Variants in CHODL observed in about 807,000 individuals in gnomAD.
The protein encoded by CHODL is chondrolectin.
A neutral mutation model predicts 34.5 loss-of-function variants in CHODL; 29 were observed. The ratio of observed to expected loss-of-function variants is 0.84; its 90% CI spans 0.63 to 1.15. The LOEUF (loss-of-function observed/expected upper bound fraction) is 1.15. Among genes scored for constraint, CHODL ranks in the 50% most tolerant of loss-of-function variants. The probability of loss-of-function intolerance (pLI) is 0.00; values close to 1 mark genes in which losing one functional copy is unlikely to be tolerated. For synonymous variants in CHODL, 125 were observed against 116.1 expected (o/e 1.08, Z -0.49); for missense variants, 332 against 332.5 (o/e 1.00, Z 0.01).
intron 2 of CHODL, among the ~76,000 whole-genome samples, chr21:18,079,903 A>G (rs2064920478): frequency 6.9e-6 from 1 of 145,658 alleles, no homozygotes; most frequent in African/African-American, 2.5e-5. Context: ...TCTTTAAGAC[A>G]TAGTCATACT....
At chr21:18,010,784 A>G (rs77131605) in intron 1 of CHODL, among the ~76,000 whole-genome samples, 10 of 152,370 alleles carry the variant, frequency 6.6e-5, no homozygotes, top group East Asian at 3.8e-4. Flanking sequence ...CAATTTTCCA[A>G]TGATTCCATT....
At chr21:17,945,507 A>T (rs2063400084) in intron 1 of CHODL, among the ~76,000 whole-genome samples, 1 of 152,188 alleles carries the variant, frequency 6.6e-6, no homozygotes, top group Non-Finnish European at 1.5e-5. Flanking sequence ...AATCAGGTGG[A>T]AAAAAGGGTC....
chr21:18,130,390 C>T (rs2072640335), intron 2 of CHODL, among the ~76,000 whole-genome samples: 1 of 152,136 alleles, frequency 6.6e-6, no homozygotes, highest in Non-Finnish European at 1.5e-5. Context: ...TTCTCTCAGC[C>T]TTTGTGCATA....
intron 1 of CHODL, among the ~76,000 whole-genome samples, chr21:17,967,922 C>T (rs1198409735): frequency 1.3e-5 from 2 of 152,102 alleles, no homozygotes; most frequent in African/African-American, 4.8e-5. Context: ...GTCGGATGGT[C>T]ACTTAACTGT....
intron 5 of CHODL, among the ~76,000 whole-genome samples, chr21:18,264,843 A>T (rs77123254): frequency 6.6e-6 from 1 of 152,098 alleles, no homozygotes; most frequent in East Asian, 1.9e-4. Flanking sequence ...ATTGAACCAC[A>T]TTGGTTTCAG....
Position 18,121,344 on chromosome 21 carries a change from T to C in CHODL, c.-45+93373T>C, listed in dbSNP as rs551008268. Among the ~76,000 whole-genome samples the C allele has an allele frequency of 2.0e-5, 3 of 152,314 alleles. No homozygotes were observed. The South Asian group carries it at 6.2e-4, about 32-fold the overall frequency. ...TGTTTCAAGAAAGTTTACAAATTTA[T>C]GTTGGGCTGCATTCAAAGTCATTCT... On this transcript the variant is annotated intron_variant, in intron 2 of 6. Coordinates refer to the CHODL transcript ENST00000400127.
intron 2 of CHODL, among the ~76,000 whole-genome samples, chr21:18,065,395 T>A (rs2146491116): frequency 1.3e-5 from 2 of 152,248 alleles, no homozygotes; most frequent in Middle Eastern, 3.4e-3. Context: ...CATAAATGAG[T>A]GCATAAAATA....
At chr21:18,044,805 A>G (rs2064421640) in intron 2 of CHODL, among the ~76,000 whole-genome samples, 1 of 151,854 alleles carries the variant, frequency 6.6e-6, no homozygotes, top group Non-Finnish European at 1.5e-5. Flanking sequence ...CTCCAAGTTT[A>G]CTCTTCAGAT....
intron 2 of CHODL, among the ~76,000 whole-genome samples, chr21:18,167,131 A>T (rs1351478227): frequency 1.3e-5 from 2 of 152,052 alleles, no homozygotes; most frequent in East Asian, 3.9e-4. Flanking sequence ...AGTTGTATAC[A>T]GGTGAGACAA....
intron 1 of CHODL, among the ~76,000 whole-genome samples, chr21:18,251,529 T>TA (rs1374699549): frequency 0.11 from 59 of 544 alleles, 17 homozygotes; most frequent in African/African-American, 0.31. Flanking sequence ...ATATTTATTT[T>TA]ATTTATTATT....
intron 1 of CHODL, among the ~76,000 whole-genome samples, chr21:17,941,177 A>T (rs186704203): frequency 6.6e-6 from 1 of 152,220 alleles, no homozygotes; most frequent in Non-Finnish European, 1.5e-5. Context: ...GGCCATGCCA[A>T]GGTTTTCAAA....
At chr21:17,963,077 A>AATC (rs2063544970) in intron 1 of CHODL, among the ~76,000 whole-genome samples, 1 of 75,700 alleles carries the variant, frequency 1.3e-5, no homozygotes, top group South Asian at 3.4e-4. Context: ...AAAAAAAAAT[A>AATC]ATAATAATAA....
chr21:18,167,002 T>C (rs2073161741), intron 2 of CHODL, among the ~76,000 whole-genome samples: 1 of 152,258 alleles, frequency 6.6e-6, no homozygotes, highest in Admixed American at 6.5e-5. Context: ...TGGAAGTAGA[T>C]TTCTTAATTT....
chr21:18,123,586 T>C (rs1056602169), intron 2 of CHODL, among the ~76,000 whole-genome samples: 1 of 152,148 alleles, frequency 6.6e-6, no homozygotes, highest in Non-Finnish European at 1.5e-5. Context: ...TGAGCATGCA[T>C]GGCAGAGAGA....
At chr21:18,030,575 A>G (rs1219063913) in intron 2 of CHODL, among the ~76,000 whole-genome samples, 1 of 152,186 alleles carries the variant, frequency 6.6e-6, no homozygotes, top group Non-Finnish European at 1.5e-5. Context: ...AAGTAATTAA[A>G]TGTCCTTCCA....
At chr21:18,093,548 C>T (rs1191520277) in intron 2 of CHODL, among the ~76,000 whole-genome samples, 1 of 151,910 alleles carries the variant, frequency 6.6e-6, no homozygotes, top group Admixed American at 6.6e-5. Flanking sequence ...GTAGACAGTA[C>T]AATGAGATAT....
At chr21:18,071,997 A>T (rs1009929630) in intron 2 of CHODL, among the ~76,000 whole-genome samples, 2 of 152,066 alleles carry the variant, frequency 1.3e-5, no homozygotes, top group Non-Finnish European at 2.9e-5. Flanking sequence ...ATTTAAATAA[A>T]TCTTTTTTAA....
rs1360108405 is a variant in CHODL, at chr21:18,013,407, G to C, written c.-144-14465G>C. On this transcript the variant is annotated intron_variant, in intron 1 of 6. Transcript: ENST00000400127. ...CCCAATTGTACAGTGCTGCCATTTGGTCATATATCCCTGTAACTGCTTCAA... is the reference window on the plus strand; with the variant it reads ...CCCAATTGTACAGTGCTGCCATTTGCTCATATATCCCTGTAACTGCTTCAA... Among the ~76,000 whole-genome samples the C allele has an allele frequency of 2.0e-5, 3 of 151,140 alleles. No homozygotes were observed. The East Asian group carries it at 5.9e-4, about 30-fold the overall frequency.
intron 2 of CHODL, among the ~76,000 whole-genome samples, chr21:18,123,724 C>T (rs2065508304): frequency 6.6e-6 from 1 of 152,040 alleles, no homozygotes; most frequent in African/African-American, 2.4e-5. Flanking sequence ...TTCTTAAGGC[C>T]TCACCTCCCA....
Sources: allele counts gnomAD v4.1 joint callset (sites outside exome capture counted in the v4.1 genomes callset), GRCh38; gene constraint gnomAD v4.1.1; transcripts MANE v1.5; gene names NCBI Gene and HGNC (gene_info 2026-07-23, HGNC 2026-07-21).